LGALS14: variants seen among roughly 807,000 people sequenced by gnomAD.
The protein encoded by LGALS14 is galectin 14.
In LGALS14, 14 loss-of-function variants were observed where a neutral mutation model predicts 14.6. The observed-to-expected ratio is 0.96, with a 90% CI of 0.64 to 1.50. The LOEUF (loss-of-function observed/expected upper bound fraction) is 1.50, where lower values mean the gene tolerates loss of function less well. LGALS14 is among the 40% of genes most tolerant of loss of function. The probability of loss-of-function intolerance (pLI) is 0.00; values close to 1 mark genes in which losing one functional copy is unlikely to be tolerated. For synonymous variants in LGALS14, 57 were observed against 63.9 expected (o/e 0.89, Z 0.51); for missense variants, 180 against 172.0 (o/e 1.05, Z -0.26).
rs1973703869 is a variant in LGALS14 at position 39,705,717 on chromosome 19, C to T, written c.16-880C>T. On this transcript the variant is annotated intron_variant, in intron 1 of 3. Coordinates refer to ENST00000392052, the MANE Select transcript of LGALS14 (RefSeq NM_020129.3). ...ATCTGACTGGCAGAGTGGCAGACAC[C>T]TTTCACCCCAGCTACACAAGAGGGG... The T allele has an allele frequency of 2.3e-5, 13 of 564,470 alleles. No homozygotes were observed. The South Asian group carries it at 2.9e-4, about 13-fold the overall frequency. The allele number at this position is 564,470 out of a possible 1,614,324, so 35.0% of individuals were successfully genotyped here. A position where few individuals can be genotyped will look rare whatever the true frequency, so the allele number is the denominator to read the frequency against.
At chr19:39,708,583 C>T (rs1490202862) in intron 3 of LGALS14, among the ~76,000 whole-genome samples, 1 of 152,190 alleles carries the variant, frequency 6.6e-6, no homozygotes, top group African/African-American at 2.4e-5. Context: ...TTCTTTTTGG[C>T]TTTCTCTAAT....
chr19:39,708,351 T>A (rs1204652851), intron 3 of LGALS14, among the ~76,000 whole-genome samples: 2 of 152,330 alleles, frequency 1.3e-5, no homozygotes, highest in South Asian at 2.1e-4. Context: ...TTTTTGGGCA[T>A]TAAAGTTGTT....
chr19:39,707,760 T>C (rs1406463917), intron 3 of LGALS14, among the ~76,000 whole-genome samples: 1 of 152,230 alleles, frequency 6.6e-6, no homozygotes, highest in African/African-American at 2.4e-5. Context: ...CCAATTCTAC[T>C]CATAAGAACA....
At position 39,707,244 on chromosome 19, in the gene LGALS14, A is replaced by G. The variant is rs994624134; in HGVS notation, c.159A>G (p.Gln53=). 2.2e-5 allele frequency: 36 copies of G among 1,613,986 alleles called. No homozygotes were observed. The highest frequency in any genetic ancestry group is 1.8e-4 in the East Asian group (8 of 44,878). The change falls in exon 3 of 4, where the codon CAA becomes CAG. Residue 53 remains glutamine (Q), a synonymous_variant. Coordinates refer to ENST00000392052, the MANE Select transcript of LGALS14 (RefSeq NM_020129.3). ...ATGAGGACTCAGATATTGCTTTCCA[A>G]TTCCGACTGCACTTTGGTCATCCTG... ...GMDEDSDIAF[Q]FRLHFGHPAI...
At chr19:39,708,857 C>G (rs552749186) in intron 3 of LGALS14, among the ~76,000 whole-genome samples, 6 of 152,346 alleles carry the variant, frequency 3.9e-5, no homozygotes, top group South Asian at 2.1e-4. Flanking sequence ...CACTAACCCT[C>G]TGGCAGGTCC....
chr19:39,707,929 T>C (rs1369021966), intron 3 of LGALS14, among the ~76,000 whole-genome samples: 2 of 152,114 alleles, frequency 1.3e-5, no homozygotes, highest in Non-Finnish European at 2.9e-5. Context: ...CTTGCCTTAG[T>C]CTCCCAAGTA....
intron 2 of LGALS14, 73 bp downstream of exon 2, chr19:39,706,746 G>T: frequency 1.6e-6 from 2 of 1,271,540 alleles, no homozygotes; most frequent in Non-Finnish European, 1.1e-6. Context: ...TTAACCTTAT[G>T]TGTGAGTGAT....
In LGALS14 at chr19:39,707,311, GA is replaced by G; in HGVS notation, c.227del (p.Glu76GlyfsTer27). 1 of 1,614,134 alleles carries G rather than the reference GA, an allele frequency of 6.2e-7. No homozygotes were observed. The highest frequency in any genetic ancestry group is 2.2e-5 in the East Asian group (1 of 44,888). On this transcript the variant is annotated frameshift_variant, in exon 3 of 4. Coordinates refer to ENST00000392052, the MANE Select transcript of LGALS14 (RefSeq NM_020129.3). LOFTEE classifies it high-confidence loss of function. ...SCVFGIWRYE[E>X]KCYYLPFEDG... ...TGTGTTTGGCATATGGAGATATGAGGAGAAATGCTACTATTTACCCTTTGAA... is the reference window on the plus strand; with the variant it reads ...TGTGTTTGGCATATGGAGATATGAGGGAAATGCTACTATTTACCCTTTGAA...
chr19:39,706,707 G>C (rs1242074723), intron 2 of LGALS14, 34 bp downstream of exon 2: 2 of 1,474,476 alleles, frequency 1.4e-6, no homozygotes, highest in Admixed American at 3.3e-5. Context: ...AGGGGGTGGA[G>C]GAGAGAAGGG....
chr19:39,704,590 C>A (rs1190451470), intron 1 of LGALS14, 47 bp downstream of exon 1: 7 of 1,597,382 alleles, frequency 4.4e-6, no homozygotes, highest in Non-Finnish European at 5.1e-6. Flanking sequence ...TCACATAAAC[C>A]AAGAAAGAAA....
chr19:39,706,457 C>A (rs1017026777), intron 1 of LGALS14, 140 bp from the exon 2 acceptor site: 8 of 666,254 alleles, frequency 1.2e-5, no homozygotes, highest in Non-Finnish European at 1.9e-5. Flanking sequence ...GAATATGGGG[C>A]CCTGACTGTG....
chr19:39,705,879 G>T, intron 1 of LGALS14: 1 of 1,611,278 alleles, frequency 6.2e-7, no homozygotes, highest in Non-Finnish European at 8.5e-7. Context: ...ACTTGCAGTC[G>T]TCGTAGAAAT....
chr19:39,709,417 A>C lies in LGALS14; in HGVS notation c.*104A>C. The C allele has an allele frequency of 4.4e-6, 3 of 683,998 alleles. No individual in the cohort carries two copies. Among genetic ancestry groups the C allele is most frequent in the Non-Finnish European group, 7.8e-6 (3 of 384,120 alleles). The allele number at this position is 683,998 out of a possible 1,614,324, so 42.4% of individuals were successfully genotyped here. ...ATAATCCCTCCTCACCCCTTCCCCT[A>C]CACTTGATCATTAAAACAGCACCAA... On this transcript the variant is annotated 3_prime_UTR_variant, in exon 4 of 4. Transcript: ENST00000392052.
rs749342251 is a variant in LGALS14, at chr19:39,707,221, G to A, written c.136G>A (p.Glu46Lys). The A allele has an allele frequency of 1.2e-6, 2 of 1,613,994 alleles. No homozygotes were observed. Among genetic ancestry groups the A allele is most frequent in the African/African-American group, 2.7e-5 (2 of 74,926 alleles). The change falls in exon 3 of 4, where the codon GAG becomes AAG. Residue 46 changes from glutamate to lysine, a missense_variant. Physicochemically the swap from Glu to Lys is moderately conservative, Grantham distance 56. Transcript: ENST00000392052. ...LEVNFYTGMD[E>K]DSDIAFQFRL... ...GGTGAATTTCTACACTGGGATGGATGAGGACTCAGATATTGCTTTCCAATT... is the reference window on the plus strand; with the variant it reads ...GGTGAATTTCTACACTGGGATGGATAAGGACTCAGATATTGCTTTCCAATT...
At chr19:39,708,791 A>G (rs1342931926) in intron 3 of LGALS14, among the ~76,000 whole-genome samples, 2 of 152,208 alleles carry the variant, frequency 1.3e-5, no homozygotes, top group African/African-American at 4.8e-5. Context: ...ATCAGTAGTG[A>G]AAGGCAGTCA....
Position 39,704,655 on chromosome 19 carries a change from C to T in LGALS14, c.15+112C>T, listed in dbSNP as rs114139098. The stretch of plus-strand genomic sequence containing the variant: ...AGCATTCCTACTGTGAATGCATTAC[C>T]GAGAGTTGTGGGTGTGTAGAAGAGA... On this transcript the variant is annotated intron_variant, in intron 1 of 3. Coordinates refer to ENST00000392052, the MANE Select transcript of LGALS14 (RefSeq NM_020129.3). 1.6e-3 allele frequency: 1,547 copies of T among 991,372 alleles called. 20 individuals are homozygous for T. In the African/African-American group the frequency reaches 0.022, roughly 14 times the overall value. The allele number at this position is 991,372 out of a possible 1,614,324, so 61.4% of individuals were successfully genotyped here.
chr19:39,709,094 G>T (rs577424255), intron 3 of LGALS14, 103 bp from the exon 4 acceptor site: 105 of 779,866 alleles, frequency 1.3e-4, no homozygotes, highest in Non-Finnish European at 2.3e-4. Flanking sequence ...GTGTAACTAG[G>T]AGTTTTCATG....
chr19:39,706,177 C>G (rs907838104), intron 1 of LGALS14, among the ~76,000 whole-genome samples: 1 of 152,144 alleles, frequency 6.6e-6, no homozygotes, highest in African/African-American at 2.4e-5. Flanking sequence ...CAGGAGGACT[C>G]CCCTGTTCTG....
intron 2 of LGALS14, 83 bp from the exon 3 acceptor site, chr19:39,707,095 G>A (rs560785639): frequency 9.0e-7 from 1 of 1,112,046 alleles, no homozygotes; most frequent in Non-Finnish European, 1.4e-6. Context: ...CTGGGTAAAG[G>A]GGGGAAGGGA....
Sources: gnomAD v4.1 joint callset for allele counts (sites outside exome capture counted in the v4.1 genomes callset) on GRCh38, gnomAD v4.1.1 for gene constraint, MANE v1.5 for transcripts, NCBI Gene and HGNC (gene_info 2026-07-23, HGNC 2026-07-21) for gene names.